The following PPIP5K2 variants were observed in gnomAD, a reference collection of about 807,000 sequenced individuals.
PPIP5K2 encodes the protein inositol hexakisphosphate and diphosphoinositol-pentakisphosphate kinase 2.
Under a neutral mutation model 154.6 loss-of-function variants are expected in PPIP5K2, and 105 were observed. The observed-to-expected ratio is 0.68, with a 90% CI of 0.58 to 0.80. The LOEUF (loss-of-function observed/expected upper bound fraction) is 0.80, where lower values mean the gene tolerates loss of function less well. Among genes scored for constraint, PPIP5K2 ranks in the 30% least tolerant of loss-of-function variants. The pLI is 0.00. For synonymous variants in PPIP5K2, 480 were observed against 490.3 expected (o/e 0.98, Z 0.28); for missense variants, 992 against 1,504.6 (o/e 0.66, Z 5.64).
Position 103,159,905 on chromosome 5 carries a change from C to A in PPIP5K2, c.1920+577C>A, listed in dbSNP as rs941116837. On this transcript the variant is annotated intron_variant, in intron 17 of 30. Coordinates refer to ENST00000358359, the MANE Select transcript of PPIP5K2 (RefSeq NM_001276277.3). ...TTCTGTCCAACTGAAATTGTGTATC[C>A]CTTGACCAACATCTTCCCAACCCCT... 1.1e-4 allele frequency among the ~76,000 whole-genome samples: 16 copies of A among 152,176 alleles called. No individual in the cohort carries two copies. The South Asian group carries it at 1.9e-3, about 18-fold the overall frequency.
rs989138207 is a variant in PPIP5K2, at chr5:103,209,535, A to T, written c.*7901A>T. ...TGTACAGTTTAGATACCCATTTTAA[A>T]GCAGTTAGAAAGATGTAACTTGACA... On this transcript the variant is annotated 3_prime_UTR_variant, in exon 31 of 31. Coordinates refer to ENST00000358359, the MANE Select transcript of PPIP5K2 (RefSeq NM_001276277.3). The T allele has an allele frequency of 1.3e-5, 2 of 152,194 alleles. No individual in the cohort carries two copies. Among genetic ancestry groups the T allele is most frequent in the Admixed American group, 1.3e-4 (2 of 15,280 alleles). The allele number at this position is 152,194 out of a possible 1,614,324, so 9.4% of individuals were successfully genotyped here.
chr5:103,171,566 T>C (rs901985167), intron 19 of PPIP5K2, among the ~76,000 whole-genome samples: 3 of 151,608 alleles, frequency 2.0e-5, no homozygotes, highest in African/African-American at 7.3e-5. Flanking sequence ...TCCTAGTTGA[T>C]AGAGGCAGAT....
Position 103,205,338 on chromosome 5 carries a change from T to C in PPIP5K2, c.*3704T>C, listed in dbSNP as rs1803452032. On this transcript the variant is annotated 3_prime_UTR_variant, in exon 31 of 31. Transcript: ENST00000358359. ...TGTGTCTTTATAGTGGCATGATTTATAATCCTTTGGGTATATACCCAGTAA... is the reference window on the plus strand; with the variant it reads ...TGTGTCTTTATAGTGGCATGATTTACAATCCTTTGGGTATATACCCAGTAA... 6.6e-6 allele frequency: 1 copy of C among 152,222 alleles called. No individual in the cohort carries two copies. Among genetic ancestry groups the C allele is most frequent in the African/African-American group, 2.4e-5 (1 of 41,460 alleles). The allele number at this position is 152,222 out of a possible 1,614,324, so 9.4% of individuals were successfully genotyped here.
At chr5:103,136,637 G>T (rs1554204342) in intron 3 of PPIP5K2, 95 bp from the exon 4 acceptor site, 2 of 911,780 alleles carry the variant, frequency 2.2e-6, no homozygotes, top group African/African-American at 1.6e-5. Context: ...TTAATGAAAT[G>T]AATCTTTTAT....
chr5:103,160,829 C>T (rs142637567), intron 17 of PPIP5K2, among the ~76,000 whole-genome samples: 52 of 152,086 alleles, frequency 3.4e-4, no homozygotes, highest in Admixed American at 9.8e-4. Flanking sequence ...GGTATGGCAC[C>T]TGTGCAATGA....
In PPIP5K2 at chr5:103,150,309, G is replaced by A. The variant is rs371492927; in HGVS notation, c.907-944G>A. On this transcript the variant is annotated intron_variant, in intron 8 of 30. Transcript: ENST00000358359. ...TTATTATGCCAGGATTCTGAAAGCT[G>A]TGACAAAAAATCACATTATACTAAT... Among the ~76,000 whole-genome samples, 115 of 152,320 alleles carry A rather than the reference G, an allele frequency of 7.5e-4. 1 individual carries two copies. The highest frequency in any genetic ancestry group is 4.1e-3 in the South Asian group (20 of 4,830).
Position 103,155,958 on chromosome 5 carries a change from C to A in PPIP5K2, c.1453C>A (p.Pro485Thr). Residue 485 changes from proline (P) to threonine (T), a missense_variant, in exon 14 of 31, where the codon CCT (proline) becomes ACT (threonine). Around this residue, in one of 9 missense-constraint regions of PPIP5K2, gnomAD observed 163 missense variants for 285.2 expected, o/e 0.57. Coordinates refer to ENST00000358359, the MANE Select transcript of PPIP5K2 (RefSeq NM_001276277.3). ...INRKVQLTYLPHGCPKTSSEE... is the reference protein window; with the variant it reads ...INRKVQLTYLTHGCPKTSSEE... ...TCGTAAGGTTCAGTTGACCTATCTCCCTCATGGTTGTCCTAAAACATCTAG... is the reference window on the plus strand; with the variant it reads ...TCGTAAGGTTCAGTTGACCTATCTCACTCATGGTTGTCCTAAAACATCTAG... 6.2e-7 allele frequency: 1 copy of A among 1,604,440 alleles called. No homozygotes were observed. Among genetic ancestry groups the A allele is most frequent in the South Asian group, 1.1e-5 (1 of 90,842 alleles).
intron 17 of PPIP5K2, 45 bp downstream of exon 17, chr5:103,159,373 C>T (rs782359866): frequency 9.6e-6 from 14 of 1,452,366 alleles, no homozygotes; most frequent in Non-Finnish European, 1.3e-5. Context: ...TACACACACA[C>T]AGAAAAGTGA....
chr5:103,136,418 A>G (rs1791507602), intron 3 of PPIP5K2, among the ~76,000 whole-genome samples: 1 of 152,250 alleles, frequency 6.6e-6, no homozygotes, highest in Admixed American at 6.5e-5. Flanking sequence ...ATTTACATAT[A>G]GATTTCTCTT....
At chr5:103,185,785 C>A (rs1800276896) in intron 26 of PPIP5K2, among the ~76,000 whole-genome samples, 1 of 151,950 alleles carries the variant, frequency 6.6e-6, no homozygotes, top group South Asian at 2.1e-4. Flanking sequence ...AGGACCTGGT[C>A]TCACAAATAA....
chr5:103,197,821 G>A (rs1179390044), intron 30 of PPIP5K2, among the ~76,000 whole-genome samples: 4 of 151,238 alleles, frequency 2.6e-5, no homozygotes, highest in African/African-American at 7.3e-5. Context: ...CAGGTGATTC[G>A]CCTGCCTCAA....
intron 21 of PPIP5K2, among the ~76,000 whole-genome samples, chr5:103,174,654 G>A (rs1263292094): frequency 2.0e-5 from 3 of 152,000 alleles, no homozygotes; most frequent in Non-Finnish European, 4.4e-5. Context: ...TGAGAGCAAG[G>A]TGCAAGTGCA....
intron 5 of PPIP5K2, among the ~76,000 whole-genome samples, chr5:103,145,462 C>A (rs1023165547): frequency 6.6e-6 from 1 of 152,084 alleles, no homozygotes; most frequent in Admixed American, 6.5e-5. Context: ...TATTGCAGCA[C>A]CACTTGGAAT....
chr5:103,167,253 A>G lies in PPIP5K2; in HGVS notation c.1995A>G (p.Lys665=). 2 of 1,599,116 alleles carry G rather than the reference A, an allele frequency of 1.3e-6. No individual in the cohort carries two copies. Among genetic ancestry groups the G allele is most frequent in the Non-Finnish European group, 1.7e-6 (2 of 1,172,410 alleles). ...LIKNPVKTCD[K]VYSLIQSLTS... ...AAAACCCTGTGAAGACCTGTGATAAAGTTTATTCCTTAATTCAGAGTTTGA... is the reference window on the plus strand; with the variant it reads ...AAAACCCTGTGAAGACCTGTGATAAGGTTTATTCCTTAATTCAGAGTTTGA... Residue 665 remains lysine (K), a synonymous_variant, in exon 18 of 31, where the codon AAA becomes AAG. Transcript: ENST00000358359.
intron 17 of PPIP5K2, among the ~76,000 whole-genome samples, chr5:103,162,298 C>G (rs1231902529): frequency 1.3e-5 from 2 of 150,050 alleles, no homozygotes; most frequent in African/African-American, 4.9e-5. Context: ...ATGTAGATAA[C>G]ATAAAGTTAA....
Position 103,186,324 on chromosome 5 carries a change from T to A in PPIP5K2, c.3174T>A (p.Ser1058=). The change falls in exon 27 of 31, where the codon TCT becomes TCA. Residue 1058 remains serine, a synonymous_variant. Coordinates refer to ENST00000358359, the MANE Select transcript of PPIP5K2 (RefSeq NM_001276277.3). ...VEQKQNPTVG[S]HCAGLFSTSV... ...ATTTTCTCTAACTCCCATCAGGGTC[T>A]CACTGTGCGGGCCTGTTTAGCACCT... The A allele has an allele frequency of 6.2e-7, 1 of 1,613,754 alleles. No individual in the cohort carries two copies. Among genetic ancestry groups the A allele is most frequent in the Non-Finnish European group, 8.5e-7 (1 of 1,179,812 alleles).
At chr5:103,147,861 T>C in intron 6 of PPIP5K2, 70 bp from the exon 7 acceptor site, 1 of 891,842 alleles carries the variant, frequency 1.1e-6, no homozygotes, top group Non-Finnish European at 1.8e-6. Flanking sequence ...AATAAACTAT[T>C]TGTCATTTTA....
chr5:103,190,304 T>A (rs1801027308), intron 28 of PPIP5K2, among the ~76,000 whole-genome samples: 2 of 152,052 alleles, frequency 1.3e-5, no homozygotes, highest in Admixed American at 6.6e-5. Context: ...GAAATACGTT[T>A]TGGAATTTTT....
intron 5 of PPIP5K2, among the ~76,000 whole-genome samples, chr5:103,142,409 C>T (rs919900922): frequency 2.0e-5 from 3 of 152,198 alleles, no homozygotes; most frequent in African/African-American, 7.2e-5. Context: ...AGTTCCCGCT[C>T]GCGCCTCTCC....
Sources: allele counts gnomAD v4.1 joint callset (sites outside exome capture counted in the v4.1 genomes callset), GRCh38; gene constraint gnomAD v4.1.1; regional missense constraint gnomAD v4.1.1; transcripts MANE v1.5; gene names NCBI Gene and HGNC (gene_info 2026-07-23, HGNC 2026-07-21).